Variants in KCNQ1 observed in about 807,000 individuals in gnomAD.
The protein encoded by KCNQ1 is potassium voltage-gated channel subfamily KQT member 1.
In KCNQ1, 49 loss-of-function variants were observed where a neutral mutation model predicts 72.4. The ratio of observed to expected loss-of-function variants is 0.68; its 90% CI spans 0.54 to 0.86. KCNQ1 has a LOEUF of 0.86. Among genes scored for constraint, KCNQ1 ranks in the 40% least tolerant of loss-of-function variants. The pLI, the probability that KCNQ1 is intolerant of heterozygous loss-of-function variation, is 0.00. For missense variants in KCNQ1, 790 were observed against 945.1 expected, an observed-to-expected ratio of 0.84 and a Z score of 2.15; for synonymous variants, 450 against 412.6, an observed-to-expected ratio of 1.09 and a Z score of -1.10.
At chr11:2,461,777 A>C in intron 1 of KCNQ1, 1 of 1,313,756 alleles carries the variant, frequency 7.6e-7, no homozygotes, top group Non-Finnish European at 1.0e-6. Flanking sequence ...TGGGGGGCTG[A>C]ATTGTGGTCA....
intron 10 of KCNQ1, chr11:2,649,828 T>G (rs1564845091): frequency 2.5e-6 from 1 of 398,532 alleles, no homozygotes. Flanking sequence ...TATCTGTTAG[T>G]CTCTTTCTCT....
At chr11:2,692,577 T>G in intron 11 of KCNQ1, 1 of 398,808 alleles carries the variant, frequency 2.5e-6, no homozygotes, top group Non-Finnish European at 4.4e-6. Flanking sequence ...AAGGGAGTTT[T>G]TCAGACCCCA....
intron 12 of KCNQ1, among the ~76,000 whole-genome samples, chr11:2,770,460 A>G (rs1238248530): frequency 6.6e-6 from 1 of 152,220 alleles, no homozygotes; most frequent in Non-Finnish European, 1.5e-5. Flanking sequence ...CCTTGCCAAG[A>G]GCAGTATGCG....
intron 11 of KCNQ1, among the ~76,000 whole-genome samples, chr11:2,739,470 A>G (rs1846013045): frequency 6.6e-6 from 1 of 152,258 alleles, no homozygotes; most frequent in Non-Finnish European, 1.5e-5. Flanking sequence ...GTGGATGGAC[A>G]TAGGTGGGCA....
chr11:2,581,363 A>C (rs1848495534), intron 6 of KCNQ1, among the ~76,000 whole-genome samples: 1 of 152,188 alleles, frequency 6.6e-6, no homozygotes, highest in Non-Finnish European at 1.5e-5. Flanking sequence ...CCCACTTTGC[A>C]GCCCTGTGTC....
rs200693107 is a variant in KCNQ1, at chr11:2,603,695, C to CT, written c.1393+14850dup. Among the ~76,000 whole-genome samples the CT allele has an allele frequency of 2.0e-4, 30 of 151,678 alleles. No homozygotes were observed. The highest frequency in any genetic ancestry group is 6.3e-4 in the South Asian group (3 of 4,784). Reference sequence around the variant, plus strand: ...TTTCAAGGTTTGTGCTTCAGTGCTTCTTTTTTTTTCCCCGAGACAGAGTCT... The same window carrying CT: ...TTTCAAGGTTTGTGCTTCAGTGCTTCTTTTTTTTTTCCCCGAGACAGAGTCT... On this transcript the variant is annotated intron_variant, in intron 10 of 15. Coordinates refer to ENST00000155840, the MANE Select transcript of KCNQ1 (RefSeq NM_000218.3). This position sits in a 1 kb window ranked among gnomAD's most constrained non-coding sequence, Gnocchi z 4.1.
intron 11 of KCNQ1, among the ~76,000 whole-genome samples, chr11:2,765,826 G>A (rs1376602347): frequency 1.3e-5 from 2 of 151,970 alleles, no homozygotes; most frequent in African/African-American, 2.4e-5. Flanking sequence ...ACATGTTTTT[G>A]TATCGTTATA....
Position 2,647,045 on chromosome 11 carries a change from G to A in KCNQ1, c.1394-14916G>A, listed in dbSNP as rs763116966. 1 of 398,528 alleles carries A rather than the reference G, an allele frequency of 2.5e-6. No individual in the cohort carries two copies. Among genetic ancestry groups the A allele is most frequent in the Non-Finnish European group, 4.4e-6 (1 of 226,044 alleles). The allele number at this position is 398,528 out of a possible 1,614,324, so 24.7% of individuals were successfully genotyped here. A position where few individuals can be genotyped will look rare whatever the true frequency, so the allele number is the denominator to read the frequency against. ...CTGCTGAATAAGAATAGTGAAAGTG[G>A]GCATCCTTGTCTTGTTCTAGTTCTA... On this transcript the variant is annotated intron_variant, in intron 10 of 15. Transcript: ENST00000155840. This position sits in a 1 kb window ranked among gnomAD's most constrained non-coding sequence, Gnocchi z 4.0.
chr11:2,765,908 T>G (rs1211557315), intron 11 of KCNQ1, among the ~76,000 whole-genome samples: 1 of 152,206 alleles, frequency 6.6e-6, no homozygotes, highest in Non-Finnish European at 1.5e-5. Context: ...ATTAATCCAC[T>G]TATAATGTAT....
At position 2,663,915 on chromosome 11, in the gene KCNQ1, A is replaced by G. The variant is rs772655122; in HGVS notation, c.1514+1834A>G. ...CCAGTGTGGCTGTGTCATCTAGGAC[A>G]CTGGGCTGTTTCTTGTTCCACTCCA... On this transcript the variant is annotated intron_variant, in intron 11 of 15. Coordinates refer to ENST00000155840, the MANE Select transcript of KCNQ1 (RefSeq NM_000218.3). This position sits in a 1 kb window ranked among gnomAD's most constrained non-coding sequence, Gnocchi z 5.2. 7.0e-5 allele frequency: 28 copies of G among 398,732 alleles called. No individual in the cohort carries two copies. The highest frequency in any genetic ancestry group is 1.2e-4 in the Non-Finnish European group (27 of 226,120). The allele number at this position is 398,732 out of a possible 1,614,324, so 24.7% of individuals were successfully genotyped here. A position where few individuals can be genotyped will look rare whatever the true frequency, so the allele number is the denominator to read the frequency against.
At position 2,617,849 on chromosome 11, in the gene KCNQ1, C is replaced by T. The variant is rs1457978286; in HGVS notation, c.1393+28995C>T. ...TATAACTTCTTTGCAAAAATGTCTA[C>T]TCAGTTCCACTGCCCATTTTTTAAT... On this transcript the variant is annotated intron_variant, in intron 10 of 15. Coordinates refer to ENST00000155840, the MANE Select transcript of KCNQ1 (RefSeq NM_000218.3). The surrounding 1 kb of genome is among the most constrained non-coding windows in gnomAD (Gnocchi z 4.6). 5.0e-6 allele frequency: 2 copies of T among 398,384 alleles called. No homozygotes were observed. The highest frequency in any genetic ancestry group is 8.8e-6 in the Non-Finnish European group (2 of 226,010). 24.7% of individuals were successfully genotyped at this position (398,384 alleles called of 1,614,324 possible).
At position 2,516,989 on chromosome 11, in the gene KCNQ1, G is replaced by A. The variant is rs1027484495; in HGVS notation, c.387-10939G>A. On this transcript the variant is annotated intron_variant, in intron 1 of 15. Transcript: ENST00000155840. This position sits in a 1 kb window ranked among gnomAD's most constrained non-coding sequence, Gnocchi z 7.0. The stretch of plus-strand genomic sequence containing the variant: ...TCTGAAGGGCTTTGACGTGACACTC[G>A]GGATGGCATGGCAGGGCCCTCAAGC... Among the ~76,000 whole-genome samples the A allele has an allele frequency of 2.0e-5, 3 of 152,132 alleles. No individual in the cohort carries two copies. In the East Asian group the frequency reaches 5.8e-4, roughly 29 times the overall value.
At chr11:2,456,302 C>CA (rs113254398) in intron 1 of KCNQ1, among the ~76,000 whole-genome samples, 1,191 of 112,172 alleles carry the variant, frequency 0.011, 8 homozygotes, top group African/African-American at 0.031. Flanking sequence ...TATCTCAAAA[C>CA]AAAAAAAAAA....
rs1401831110 is a variant in KCNQ1, at chr11:2,766,932, AC to A, written c.1515-1911del. On this transcript the variant is annotated intron_variant, in intron 11 of 15. Transcript: ENST00000155840. This position sits in a 1 kb window ranked among gnomAD's most constrained non-coding sequence, Gnocchi z 4.4. Reference sequence around the variant, plus strand: ...GGTGGCTCATGCCTGTAATCCCAGCACTTTTGGAGGCCAAGGCGGACAGATC... The same window carrying A: ...GGTGGCTCATGCCTGTAATCCCAGCATTTTGGAGGCCAAGGCGGACAGATC... Among the ~76,000 whole-genome samples the A allele has an allele frequency of 6.6e-6, 1 of 152,176 alleles. No homozygotes were observed. Among genetic ancestry groups the A allele is most frequent in the Non-Finnish European group, 1.5e-5 (1 of 68,026 alleles).
At chr11:2,837,432 C>A (rs1848094957) in intron 15 of KCNQ1, among the ~76,000 whole-genome samples, 2 of 152,206 alleles carry the variant, frequency 1.3e-5, no homozygotes, top group African/African-American at 4.8e-5. Context: ...CGGGCCTGAG[C>A]CCCCAGGCTG....
At chr11:2,629,432 A>G (rs1049978367) in intron 10 of KCNQ1, 2 of 398,254 alleles carry the variant, frequency 5.0e-6, no homozygotes, top group Admixed American at 4.4e-5. Flanking sequence ...TTTTTGCCCC[A>G]TGTTTTCTTC....
In KCNQ1 at chr11:2,745,313, G is replaced by A. The variant is rs986049972; in HGVS notation, c.1515-23531G>A. Among the ~76,000 whole-genome samples the A allele has an allele frequency of 6.6e-6, 1 of 152,088 alleles. No homozygotes were observed. The highest frequency in any genetic ancestry group is 1.5e-5 in the Non-Finnish European group (1 of 68,018). On this transcript the variant is annotated intron_variant, in intron 11 of 15. Coordinates refer to ENST00000155840, the MANE Select transcript of KCNQ1 (RefSeq NM_000218.3). This position sits in a 1 kb window ranked among gnomAD's most constrained non-coding sequence, Gnocchi z 6.2. ...CTCTGCATTGAGTCAGGCCCTCTTG[G>A]ACCTCTGTTGCCATCTTTTCCTGAA...
In KCNQ1 at chr11:2,703,546, G is replaced by A. The variant is rs553244172; in HGVS notation, c.1514+41465G>A. ...AGAATTAGGCTCAAAACGTCCACTCGGCTTTTCTCTTGATTCCAAGGTATT... is the reference window on the plus strand; with the variant it reads ...AGAATTAGGCTCAAAACGTCCACTCAGCTTTTCTCTTGATTCCAAGGTATT... On this transcript the variant is annotated intron_variant, in intron 11 of 15. Transcript: ENST00000155840. The surrounding 1 kb of genome is among the most constrained non-coding windows in gnomAD (Gnocchi z 6.4). Among the ~76,000 whole-genome samples, 7 of 152,294 alleles carry A rather than the reference G, an allele frequency of 4.6e-5. No individual in the cohort carries two copies. The highest frequency in any genetic ancestry group is 2.1e-4 in the South Asian group (1 of 4,824).
intron 11 of KCNQ1, chr11:2,662,607 G>A (rs1222537595): frequency 2.6e-5 from 11 of 416,700 alleles, no homozygotes; most frequent in Admixed American, 3.9e-5. Context: ...CCGCCGTCAC[G>A]GCATGGCCAG....
Sources: gnomAD v4.1 joint callset for allele counts (sites outside exome capture counted in the v4.1 genomes callset) on GRCh38, gnomAD v4.1.1 for gene constraint, Gnocchi (gnomAD v3.1) non-coding constraint, MANE v1.5 for transcripts, NCBI Gene and HGNC (gene_info 2026-07-23, HGNC 2026-07-21) for gene names.